The following PCID2 variants were observed in gnomAD, a reference collection of about 807,000 sequenced individuals.
PCID2 encodes the protein PCI domain containing 2.
PCID2 carries 41 observed loss-of-function variants against 61.3 expected under a neutral mutation model. The ratio of observed to expected loss-of-function variants is 0.67; its 90% CI spans 0.52 to 0.87. The LOEUF (loss-of-function observed/expected upper bound fraction) is 0.87, where lower values mean the gene tolerates loss of function less well. Ranked by LOEUF, PCID2 falls within the 40% of genes least tolerant of loss-of-function variation. The probability of loss-of-function intolerance (pLI) is 0.00; values close to 1 mark genes in which losing one functional copy is unlikely to be tolerated. For missense variants in PCID2, 392 were observed against 493.4 expected (o/e 0.79, Z 1.95); for synonymous variants, 187 against 177.8 (o/e 1.05, Z -0.41).
At chr13:113,197,415 A>C (rs2039095877) in intron 3 of PCID2, among the ~76,000 whole-genome samples, 172 bp from the exon 4 acceptor site, 1 of 152,224 alleles carries the variant, frequency 6.6e-6, no homozygotes, top group African/African-American at 2.4e-5. Context: ...GAAGTCCCAC[A>C]GTAAGCTTGG....
At chr13:113,206,770 T>C (rs886557021) in intron 1 of PCID2, among the ~76,000 whole-genome samples, 3 of 152,266 alleles carry the variant, frequency 2.0e-5, no homozygotes, top group Non-Finnish European at 4.4e-5. Flanking sequence ...AGCGGACTTT[T>C]TGCTGTCTCA....
chr13:113,189,249 G>A (rs966311205), intron 7 of PCID2, among the ~76,000 whole-genome samples: 11 of 152,012 alleles, frequency 7.2e-5, no homozygotes, highest in Non-Finnish European at 5.9e-5. Flanking sequence ...AAGCAGATAC[G>A]AGCACCATGC....
Position 113,185,547 on chromosome 13 carries a change from C to G in PCID2, c.481G>C (p.Glu161Gln). The G allele has an allele frequency of 6.2e-7, 1 of 1,609,984 alleles. No homozygotes were observed. The highest frequency in any genetic ancestry group is 8.5e-7 in the Non-Finnish European group (1 of 1,176,314). The change falls in exon 8 of 14, where the codon GAG becomes CAG. Residue 161 changes from glutamate (E) to glutamine (Q), a missense_variant. Around this residue, in one of 3 missense-constraint regions of PCID2, gnomAD observed 226 missense variants for 296.5 expected, o/e 0.76. Transcript: ENST00000337344. Reference sequence around the variant, plus strand: ...AGCATGCCCCACTTCTTAGAGTCCTCTATACCAGCACGGCTATGGGGAAAT... The same window carrying G: ...AGCATGCCCCACTTCTTAGAGTCCTGTATACCAGCACGGCTATGGGGAAAT... ...VCASDTRAGI[E>Q]DSKKWGMLFL...
intron 1 of PCID2, among the ~76,000 whole-genome samples, chr13:113,202,486 A>G (rs746778314): frequency 6.6e-6 from 1 of 152,274 alleles, no homozygotes; most frequent in Non-Finnish European, 1.5e-5. Context: ...CCATCCATAG[A>G]GACAGGCTGA....
chr13:113,182,797 A>G (rs1004829968), intron 9 of PCID2, among the ~76,000 whole-genome samples: 2 of 152,170 alleles, frequency 1.3e-5, no homozygotes, highest in African/African-American at 4.8e-5. Flanking sequence ...CAAAAAATGC[A>G]TTTTCTAATA....
At chr13:113,197,745 G>A (rs1326193710) in intron 3 of PCID2, among the ~76,000 whole-genome samples, 1 of 152,216 alleles carries the variant, frequency 6.6e-6, no homozygotes, top group Non-Finnish European at 1.5e-5. Context: ...TGCTCTGAAA[G>A]ACAGTAATCA....
intron 1 of PCID2, among the ~76,000 whole-genome samples, chr13:113,202,172 C>G (rs2039482651): frequency 6.6e-6 from 1 of 152,214 alleles, no homozygotes; most frequent in Non-Finnish European, 1.5e-5. Context: ...CTCTCTGACC[C>G]AGTAATCCTG....
intron 7 of PCID2, chr13:113,187,443 T>C (rs934388388): frequency 6.6e-6 from 1 of 152,226 alleles, no homozygotes; most frequent in African/African-American, 2.4e-5. Context: ...CCTGGCGATG[T>C]GTACGAGGCT....
chr13:113,182,339 C>T (rs531538279), intron 9 of PCID2, among the ~76,000 whole-genome samples: 2 of 152,246 alleles, frequency 1.3e-5, no homozygotes, highest in South Asian at 2.1e-4. Flanking sequence ...CCATGACCCA[C>T]GAGGAGCCCT....
chr13:113,205,987 G>A (rs35708060), intron 1 of PCID2, among the ~76,000 whole-genome samples: 18,069 of 152,238 alleles, frequency 0.12, 1,617 homozygotes, highest in Middle Eastern at 0.29. Context: ...GGTGCATTCA[G>A]CATAAGTGAA....
intron 1 of PCID2, among the ~76,000 whole-genome samples, chr13:113,203,612 T>C (rs1363527498): frequency 6.6e-6 from 1 of 152,232 alleles, no homozygotes; most frequent in Non-Finnish European, 1.5e-5. Flanking sequence ...AACACTGGTA[T>C]CTGCCCATCC....
chr13:113,185,796 A>C, intron 7 of PCID2: 1 of 412,164 alleles, frequency 2.4e-6, no homozygotes, highest in East Asian at 3.8e-5. Context: ...AATCCCAATT[A>C]ACTACTTGAG....
chr13:113,201,815 C>CAA (rs34103745), intron 1 of PCID2, among the ~76,000 whole-genome samples: 1,476 of 59,208 alleles, frequency 0.025, 52 homozygotes, highest in African/African-American at 0.091. Context: ...GACTCCGTCT[C>CAA]AAAAAAAAAA....
chr13:113,198,105 C>T (rs1323220077), intron 3 of PCID2, 86 bp downstream of exon 3: 11 of 903,030 alleles, frequency 1.2e-5, no homozygotes, highest in Admixed American at 2.4e-5. Flanking sequence ...TTCACTGCTT[C>T]AAGCACAAGA....
At chr13:113,203,007 T>C (rs1320684469) in intron 1 of PCID2, among the ~76,000 whole-genome samples, 1 of 152,210 alleles carries the variant, frequency 6.6e-6, no homozygotes, top group Admixed American at 6.5e-5. Flanking sequence ...AAAAAAATCC[T>C]GAATTTCAAC....
At chr13:113,177,487 G>A (rs975984920), downstream of PCID2, 4 of 151,990 alleles carry the variant, frequency 2.6e-5, no homozygotes, top group African/African-American at 9.7e-5. Context: ...TTTTGCCTAA[G>A]AGTGGAGGCT....
chr13:113,199,026 T>G (rs2039228465), intron 2 of PCID2, among the ~76,000 whole-genome samples: 1 of 152,232 alleles, frequency 6.6e-6, no homozygotes, highest in African/African-American at 2.4e-5. Flanking sequence ...CTTTCTAAGT[T>G]TTCCTTTCCT....
At chr13:113,207,071 C>A (rs4907598) in intron 1 of PCID2, among the ~76,000 whole-genome samples, 2 of 152,104 alleles carry the variant, frequency 1.3e-5, no homozygotes, top group South Asian at 2.1e-4. Flanking sequence ...CTGAAATACA[C>A]GAGCTGATGC....
intron 2 of PCID2, among the ~76,000 whole-genome samples, 153 bp downstream of exon 2, chr13:113,200,274 A>C (rs1457675661): frequency 6.6e-6 from 1 of 152,256 alleles, no homozygotes; most frequent in African/African-American, 2.4e-5. Context: ...CCACAAATGG[A>C]TTGAAATTAC....
Sources: gnomAD v4.1 joint callset for allele counts (sites outside exome capture counted in the v4.1 genomes callset) on GRCh38, gnomAD v4.1.1 for gene constraint, gnomAD v4.1.1 regional missense constraint, MANE v1.5 for transcripts, NCBI Gene and HGNC (gene_info 2026-07-23, HGNC 2026-07-21) for gene names.